EP300: variants seen among roughly 807,000 people sequenced by gnomAD.
EP300 encodes the protein histone acetyltransferase p300.
A neutral mutation model predicts 264.0 loss-of-function variants in EP300; 31 were observed. The ratio of observed to expected loss-of-function variants is 0.12; its 90% CI spans 0.09 to 0.16. The LOEUF (loss-of-function observed/expected upper bound fraction) is 0.16, where lower values mean the gene tolerates loss of function less well. Ranked by LOEUF, EP300 falls within the 10% of genes least tolerant of loss-of-function variation. The pLI is 1.00. For synonymous variants in EP300, 1,340 were observed against 1,045.4 expected, an observed-to-expected ratio of 1.28 and a Z score of -5.44; for missense variants, 2,766 against 3,052.9, an observed-to-expected ratio of 0.91 and a Z score of 2.21.
chr22:41,134,667 T>G (rs2058939815), intron 6 of EP300, among the ~76,000 whole-genome samples: 1 of 152,072 alleles, frequency 6.6e-6, no homozygotes, highest in Admixed American at 6.5e-5. Flanking sequence ...GCAGTTTGTG[T>G]TTTTCGTTAC....
chr22:41,105,491 C>T (rs2058753882), intron 1 of EP300, among the ~76,000 whole-genome samples: 1 of 151,602 alleles, frequency 6.6e-6, no homozygotes, highest in African/African-American at 2.4e-5. Flanking sequence ...CTCCGCCTCC[C>T]GGGTTCAAGC....
chr22:41,160,453 C>G, intron 19 of EP300, 189 bp from the exon 20 acceptor site: 1 of 423,368 alleles, frequency 2.4e-6, no homozygotes, highest in Non-Finnish European at 4.3e-6. Context: ...AAAAAACAAA[C>G]AAAAAAACCA....
At chr22:41,176,726 G>T in intron 30 of EP300, 47 bp from the exon 31 acceptor site, 1 of 1,613,436 alleles carries the variant, frequency 6.2e-7, no homozygotes, top group Non-Finnish European at 8.5e-7. Context: ...ACTTTTGAAT[G>T]ACTTAAATCT....
intron 1 of EP300, among the ~76,000 whole-genome samples, chr22:41,097,818 C>G (rs557894149): frequency 5.9e-4 from 89 of 151,922 alleles, no homozygotes; most frequent in Non-Finnish European, 9.6e-4. Flanking sequence ...CAGAGTCTCG[C>G]TTTGTAGCTG....
At chr22:41,100,605 C>T (rs1253576786) in intron 1 of EP300, among the ~76,000 whole-genome samples, 1 of 152,152 alleles carries the variant, frequency 6.6e-6, no homozygotes, top group Non-Finnish European at 1.5e-5. Flanking sequence ...ACTTTATTTT[C>T]TTGTCATTAT....
Position 41,092,874 on chromosome 22 carries a change from T to G in EP300, c.-131T>G, listed in dbSNP as rs926231513. ...CGACCCGGCGAAGAGAAAAAGGAAC[T>G]TCCCCCACCCCCTCGGGTGCCGTCG... On this transcript the variant is annotated 5_prime_UTR_variant, in exon 1 of 31. Transcript: ENST00000263253. The G allele has an allele frequency of 1.1e-5, 11 of 964,104 alleles. No individual in the cohort carries two copies. The highest frequency in any genetic ancestry group is 1.7e-5 in the Non-Finnish European group (10 of 593,062). 59.7% of individuals were successfully genotyped at this position (964,104 alleles called of 1,614,324 possible).
At chr22:41,125,418 G>T in intron 2 of EP300, among the ~76,000 whole-genome samples, 1 of 149,046 alleles carries the variant, frequency 6.7e-6, no homozygotes. Flanking sequence ...GCGCCCGGCT[G>T]TTTTTTGGGG....
intron 1 of EP300, among the ~76,000 whole-genome samples, chr22:41,111,400 AT>A (rs1278608576): frequency 4.6e-5 from 7 of 152,140 alleles, no homozygotes; most frequent in African/African-American, 1.7e-4. Flanking sequence ...AGTTGTATGT[AT>A]TTCTTTAAAA....
intron 2 of EP300, among the ~76,000 whole-genome samples, chr22:41,119,737 C>T (rs1005967776): frequency 3.3e-5 from 5 of 152,054 alleles, no homozygotes; most frequent in Admixed American, 6.6e-5. Context: ...AAACAAAAAT[C>T]CCTGTCCTTG....
chr22:41,164,395 A>T (rs1005660208), intron 22 of EP300, among the ~76,000 whole-genome samples: 6 of 152,178 alleles, frequency 3.9e-5, no homozygotes, highest in African/African-American at 1.4e-4. Context: ...TTAAAATTAT[A>T]TTGTAGTTAT....
chr22:41,161,225 C>T (rs2059106224), intron 20 of EP300, among the ~76,000 whole-genome samples: 1 of 152,182 alleles, frequency 6.6e-6, no homozygotes, highest in South Asian at 2.1e-4. Flanking sequence ...ACTTTAACAG[C>T]ATGCCGGGGT....
chr22:41,110,493 A>G (rs1371116512), intron 1 of EP300, among the ~76,000 whole-genome samples: 6 of 149,528 alleles, frequency 4.0e-5, no homozygotes, highest in Admixed American at 6.7e-5. Context: ...GGATTTCACT[A>G]TGTTGGCCAG....
chr22:41,094,276 C>T (rs982034721), intron 1 of EP300, among the ~76,000 whole-genome samples: 3 of 152,222 alleles, frequency 2.0e-5, no homozygotes, highest in Admixed American at 6.5e-5. Flanking sequence ...GTCATCCCTC[C>T]ATCTGCCAGT....
At chr22:41,093,256 G>A (rs1360637143) in intron 1 of EP300, among the ~76,000 whole-genome samples, 158 bp downstream of exon 1, 1 of 152,030 alleles carries the variant, frequency 6.6e-6, no homozygotes. Flanking sequence ...ACGTCCAGTA[G>A]CCCAACCATT....
Position 41,117,490 on chromosome 22 carries a change from C to A in EP300, c.398C>A (p.Ser133Tyr). 6.2e-7 allele frequency: 1 copy of A among 1,613,638 alleles called. No individual in the cohort carries two copies. The highest frequency in any genetic ancestry group is 8.5e-7 in the Non-Finnish European group (1 of 1,179,504). The change falls in exon 2 of 31, where the codon TCT becomes TAT. Residue 133 changes from serine to tyrosine, a missense_variant. By Grantham distance (144) the Ser-to-Tyr change is moderately radical. Transcript: ENST00000263253. ...CCAATGACACAGGCAGGCTTGACTT[C>A]TCCCAACATGGGGATGGGCACTAGT... is the stretch of plus-strand genomic sequence containing the variant. ...KSPMTQAGLT[S>Y]PNMGMGTSGP...
intron 3 of EP300, among the ~76,000 whole-genome samples, chr22:41,127,147 G>T (rs1396556485): frequency 6.6e-6 from 1 of 152,116 alleles, no homozygotes; most frequent in Non-Finnish European, 1.5e-5. Context: ...CTCTTGAGGA[G>T]TTCTTCATTG....
chr22:41,167,080 C>T (rs776473716), intron 23 of EP300, among the ~76,000 whole-genome samples: 1 of 152,208 alleles, frequency 6.6e-6, no homozygotes, highest in Non-Finnish European at 1.5e-5. Context: ...TCACTGCAAC[C>T]TCCGCCTCCC....
intron 2 of EP300, among the ~76,000 whole-genome samples, chr22:41,125,308 C>T (rs1373648249): frequency 2.0e-5 from 3 of 151,684 alleles, no homozygotes; most frequent in Non-Finnish European, 2.9e-5. Context: ...TTAGTAGAGA[C>T]GGGGTTTCAC....
At position 41,167,626 on chromosome 22, in the gene EP300, A is replaced by G. The variant is rs1396608497; in HGVS notation, c.3875-823A>G. Among the ~76,000 whole-genome samples the G allele has an allele frequency of 6.1e-4, 37 of 60,970 alleles. 1 individual carries two copies. Among genetic ancestry groups the G allele is most frequent in the Middle Eastern group, 0.018 (2 of 110 alleles). The allele number at this position is 60,970 out of a possible 152,430, so 40.0% of individuals were successfully genotyped here. Reference sequence around the variant, plus strand: ...TATATATATATATATATATATATATATATATATATAATGTTTGGTTGGTTG... The same window carrying G: ...TATATATATATATATATATATATATGTATATATATAATGTTTGGTTGGTTG... On this transcript the variant is annotated intron_variant, in intron 23 of 30. Coordinates refer to ENST00000263253, the MANE Select transcript of EP300 (RefSeq NM_001429.4).
Sources: allele counts gnomAD v4.1 joint callset (sites outside exome capture counted in the v4.1 genomes callset), GRCh38; gene constraint gnomAD v4.1.1; transcripts MANE v1.5; gene names NCBI Gene and HGNC (gene_info 2026-07-23, HGNC 2026-07-21).